The following MAGI2 variants were observed in gnomAD, a reference collection of about 807,000 sequenced individuals.
MAGI2 encodes membrane-associated guanylate kinase, WW and PDZ domain-containing protein 2.
Under a neutral mutation model 133.3 loss-of-function variants are expected in MAGI2, and 35 were observed. That is an observed-to-expected ratio of 0.26 (90% CI 0.20 to 0.35). The LOEUF (loss-of-function observed/expected upper bound fraction) is 0.35. Ranked by LOEUF, MAGI2 falls within the 10% of genes least tolerant of loss-of-function variation. MAGI2 has a pLI of 1.00. For missense variants in MAGI2, 1,636 were observed against 1,863.4 expected (o/e 0.88, Z 2.25); for synonymous variants, 729 against 710.6 (o/e 1.03, Z -0.41).
chr7:78,409,067 T>A (rs1162938411), intron 6 of MAGI2, among the ~76,000 whole-genome samples: 1 of 152,070 alleles, frequency 6.6e-6, no homozygotes, highest in Admixed American at 6.6e-5. Flanking sequence ...CTCTTCTACA[T>A]TATTTCATTT....
intron 7 of MAGI2, chr7:78,359,038 G>C (rs533917948): frequency 5.2e-5 from 8 of 152,506 alleles, no homozygotes; most frequent in Middle Eastern, 3.4e-3. Flanking sequence ...GACTTAAGCT[G>C]GGGGCAAGGG....
At chr7:78,246,092 G>T (rs2150923134) in intron 10 of MAGI2, among the ~76,000 whole-genome samples, 1 of 152,246 alleles carries the variant, frequency 6.6e-6, no homozygotes. Context: ...GCTGCATCTT[G>T]TCAATCAGGG....
intron 2 of MAGI2, among the ~76,000 whole-genome samples, chr7:78,867,088 G>C (rs529537102): frequency 6.7e-6 from 1 of 149,810 alleles, no homozygotes; most frequent in East Asian, 2.0e-4. Flanking sequence ...TTACACTGTT[G>C]GTGGGACTGT....
chr7:78,242,626 C>A (rs1452802355), intron 10 of MAGI2, among the ~76,000 whole-genome samples: 3 of 152,136 alleles, frequency 2.0e-5, no homozygotes, highest in Non-Finnish European at 4.4e-5. Context: ...TCCCTGGATA[C>A]AAATCTTTTC....
chr7:78,466,767 A>G (rs1211824126), intron 6 of MAGI2, among the ~76,000 whole-genome samples: 1 of 152,128 alleles, frequency 6.6e-6, no homozygotes. Context: ...GGATAATCCT[A>G]CAGTGTAGAC....
At chr7:79,209,594 C>G (rs80072483) in intron 1 of MAGI2, among the ~76,000 whole-genome samples, 5,670 of 152,008 alleles carry the variant, frequency 0.037, 403 homozygotes, top group African/African-American at 0.13. Context: ...TTCCTCTGCC[C>G]CAAGGGCACA....
At chr7:78,654,517 A>G (rs1257269477) in intron 2 of MAGI2, among the ~76,000 whole-genome samples, 17 of 151,624 alleles carry the variant, frequency 1.1e-4, no homozygotes, top group Admixed American at 2.0e-4. Context: ...TTGAAAGGTC[A>G]TATAGCCAGA....
At chr7:78,146,759 G>C (rs2150571438) in intron 16 of MAGI2, among the ~76,000 whole-genome samples, 1 of 152,266 alleles carries the variant, frequency 6.6e-6, no homozygotes, top group Non-Finnish European at 1.5e-5. Flanking sequence ...GTTACAAGCA[G>C]GTGTTGCTGA....
chr7:78,745,181 C>T (rs1284080372), intron 2 of MAGI2, among the ~76,000 whole-genome samples: 1 of 152,132 alleles, frequency 6.6e-6, no homozygotes, highest in African/African-American at 2.4e-5. Context: ...TCATAACAAT[C>T]CTATTGGTTT....
chr7:78,955,765 C>CTTTCT (rs772466538), intron 2 of MAGI2, among the ~76,000 whole-genome samples: 3 of 69,502 alleles, frequency 4.3e-5, no homozygotes, highest in South Asian at 4.7e-4. Context: ...TTCTTTCTTT[C>CTTTCT]TTTCTTTCTT....
At chr7:78,578,999 G>T (rs1329730212) in intron 3 of MAGI2, among the ~76,000 whole-genome samples, 2 of 152,098 alleles carry the variant, frequency 1.3e-5, no homozygotes. Context: ...CCTCACCGGG[G>T]GTTCTACAGT....
intron 1 of MAGI2, among the ~76,000 whole-genome samples, chr7:79,415,988 A>C (rs1360386395): frequency 6.6e-6 from 1 of 152,210 alleles, no homozygotes; most frequent in Non-Finnish European, 1.5e-5. Flanking sequence ...ACTATTCGAC[A>C]GCAAGAAAAA....
intron 1 of MAGI2, among the ~76,000 whole-genome samples, chr7:79,170,252 C>T (rs1825395253): frequency 6.9e-6 from 1 of 145,254 alleles, no homozygotes; most frequent in African/African-American, 2.6e-5. Flanking sequence ...GGGCAATTTT[C>T]CCAGGCACCT....
intron 1 of MAGI2, among the ~76,000 whole-genome samples, chr7:79,236,861 C>A (rs1255968282): frequency 6.6e-6 from 1 of 152,104 alleles, no homozygotes; most frequent in Non-Finnish European, 1.5e-5. Flanking sequence ...GGCAAGTAAA[C>A]AAGACTCCAT....
intron 1 of MAGI2, among the ~76,000 whole-genome samples, chr7:79,205,896 C>A (rs1411780176): frequency 1.3e-5 from 2 of 150,402 alleles, no homozygotes; most frequent in Admixed American, 6.6e-5. Flanking sequence ...AAAGTAAAAG[C>A]AAGAAATCAA....
At position 79,122,747 on chromosome 7, in the gene MAGI2, C is replaced by T. The variant is rs561589088; in HGVS notation, c.302-115541G>A. ...GCAACCTCCGCCTCCTGAGTTCAAG[C>T]GATTCTTCCACCTCAGCCACTGCAA... is the stretch of plus-strand genomic sequence containing the variant. On this transcript the variant is annotated intron_variant, in intron 1 of 21. Coordinates refer to ENST00000354212, the MANE Select transcript of MAGI2 (RefSeq NM_012301.4). Among the ~76,000 whole-genome samples the T allele has an allele frequency of 5.3e-5, 8 of 151,706 alleles. No individual in the cohort carries two copies. The East Asian group carries it at 5.8e-4, about 11-fold the overall frequency.
chr7:78,254,061 CAAA>C (rs1302502544), intron 10 of MAGI2: 2 of 152,234 alleles, frequency 1.3e-5, no homozygotes, highest in East Asian at 3.9e-4. Flanking sequence ...AGGCAAAAAA[CAAA>C]AACCAATTCC....
At chr7:79,189,910 T>C (rs973946588) in intron 1 of MAGI2, among the ~76,000 whole-genome samples, 2 of 151,858 alleles carry the variant, frequency 1.3e-5, no homozygotes, top group African/African-American at 4.8e-5. Context: ...TTTTACTTAG[T>C]AATATGCACT....
At chr7:78,064,088 C>T (rs1447051473) in intron 21 of MAGI2, among the ~76,000 whole-genome samples, 4 of 152,122 alleles carry the variant, frequency 2.6e-5, no homozygotes, top group Admixed American at 2.6e-4. Flanking sequence ...ATAGACTTTT[C>T]TTTTGTCAGA....
Sources: allele counts gnomAD v4.1 joint callset (sites outside exome capture counted in the v4.1 genomes callset), GRCh38; gene constraint gnomAD v4.1.1; transcripts MANE v1.5; gene names NCBI Gene and HGNC (gene_info 2026-07-23, HGNC 2026-07-21).